Variants in LUZP2 observed in about 807,000 individuals in gnomAD.
LUZP2 encodes leucine zipper protein 2.
LUZP2 carries 52 observed loss-of-function variants against 51.6 expected under a neutral mutation model. The ratio of observed to expected loss-of-function variants is 1.01; its 90% CI spans 0.81 to 1.27. LUZP2 has a LOEUF of 1.27. LUZP2 is among the 50% of genes most tolerant of loss of function. The probability of loss-of-function intolerance (pLI) is 0.00; values close to 1 mark genes in which losing one functional copy is unlikely to be tolerated. For synonymous variants in LUZP2, 154 were observed against 137.3 expected, an observed-to-expected ratio of 1.12 and a Z score of -0.85; for missense variants, 436 against 395.4, an observed-to-expected ratio of 1.10 and a Z score of -0.87.
At chr11:24,707,276 ATCTCTC>A in intron 1 of LUZP2, among the ~76,000 whole-genome samples, 1 of 147,452 alleles carries the variant, frequency 6.8e-6, no homozygotes, top group South Asian at 2.2e-4. Flanking sequence ...CACTCTTTCT[ATCTCTC>A]TCTCTCTCTC....
At chr11:24,889,733 A>T (rs1159216950) in intron 5 of LUZP2, among the ~76,000 whole-genome samples, 3 of 152,152 alleles carry the variant, frequency 2.0e-5, no homozygotes, top group Admixed American at 6.5e-5. Flanking sequence ...AAAATACTGA[A>T]ATGTTCTGAT....
In LUZP2 at chr11:25,076,653, G is replaced by GGGAGGGAGGGAA. The variant is rs1179916466; in HGVS notation, c.859-664_859-653dup. On this transcript the variant is annotated intron_variant, in intron 10 of 11. Coordinates refer to ENST00000336930, the MANE Select transcript of LUZP2 (RefSeq NM_001009909.4). ...GAGGAAGGGAAAAAGAGGGAAGGAA[G>GGGAGGGAGGGAA]GGAGGGAGGGAAGGAGGGAGGGAGG... 3.6e-3 allele frequency among the ~76,000 whole-genome samples: 525 copies of GGGAGGGAGGGAA among 146,462 alleles called. 2 individuals are homozygous for GGGAGGGAGGGAA. Among genetic ancestry groups the GGGAGGGAGGGAA allele is most frequent in the African/African-American group, 0.011 (447 of 39,130 alleles).
chr11:24,853,543 GC>G (rs1851459893), intron 5 of LUZP2, among the ~76,000 whole-genome samples: 1 of 151,972 alleles, frequency 6.6e-6, no homozygotes, highest in Non-Finnish European at 1.5e-5. Flanking sequence ...AAGGTGCTTA[GC>G]TTCCTTGCAT....
chr11:24,540,511 C>G (rs1019431598), intron 1 of LUZP2, among the ~76,000 whole-genome samples: 7 of 152,058 alleles, frequency 4.6e-5, no homozygotes, highest in African/African-American at 1.7e-4. Flanking sequence ...CAGAAAGTGC[C>G]CTCTCACCTG....
chr11:24,664,807 A>T (rs145136089), intron 1 of LUZP2, among the ~76,000 whole-genome samples: 30 of 152,262 alleles, frequency 2.0e-4, no homozygotes, highest in African/African-American at 6.7e-4. Context: ...TAGATTTCAG[A>T]GGATGTATGG....
intron 9 of LUZP2, among the ~76,000 whole-genome samples, chr11:25,038,483 T>C (rs1438939354): frequency 2.0e-5 from 3 of 152,210 alleles, no homozygotes; most frequent in Non-Finnish European, 4.4e-5. Context: ...ACAATTTTCT[T>C]TCAGCTCAAG....
At chr11:24,621,473 TC>T (rs1854491769) in intron 1 of LUZP2, among the ~76,000 whole-genome samples, 1 of 152,170 alleles carries the variant, frequency 6.6e-6, no homozygotes, top group South Asian at 2.1e-4. Flanking sequence ...CTGACTTGGT[TC>T]TTTCCATTGA....
chr11:24,837,021 A>T lies in LUZP2; in HGVS notation c.397-68970A>T, dbSNP rs1190982175. 2.7e-5 allele frequency among the ~76,000 whole-genome samples: 4 copies of T among 150,772 alleles called. No homozygotes were observed. The Admixed American group carries it at 2.7e-4, about 10-fold the overall frequency. ...AGTCTTTCAGTAGGTAATAACAAAAACACAAGCTATTGACAACCTTGGAAC... is the reference window on the plus strand; with the variant it reads ...AGTCTTTCAGTAGGTAATAACAAAATCACAAGCTATTGACAACCTTGGAAC... On this transcript the variant is annotated intron_variant, in intron 5 of 11. Coordinates refer to ENST00000336930, the MANE Select transcript of LUZP2 (RefSeq NM_001009909.4).
Position 24,960,359 on chromosome 11 carries a change from G to A in LUZP2, c.523-16232G>A, listed in dbSNP as rs949787856. ...CCTCCTTGTACCTCTGGTAGAATTTGGCTGTGAATCCATCTGGTCCTGGAC... is the reference window on the plus strand; with the variant it reads ...CCTCCTTGTACCTCTGGTAGAATTTAGCTGTGAATCCATCTGGTCCTGGAC... On this transcript the variant is annotated intron_variant, in intron 7 of 11. Coordinates refer to ENST00000336930, the MANE Select transcript of LUZP2 (RefSeq NM_001009909.4). Among the ~76,000 whole-genome samples, 18 of 152,134 alleles carry A rather than the reference G, an allele frequency of 1.2e-4. No individual in the cohort carries two copies. The South Asian group carries it at 1.2e-3, about 10-fold the overall frequency.
At chr11:24,962,619 C>T (rs1855449365) in intron 7 of LUZP2, among the ~76,000 whole-genome samples, 2 of 152,206 alleles carry the variant, frequency 1.3e-5, no homozygotes, top group African/African-American at 4.8e-5. Flanking sequence ...GCTCCATCAG[C>T]TCCTTTAGGC....
Position 25,081,343 on chromosome 11 carries a change from T to A in LUZP2, c.*2685T>A, listed in dbSNP as rs1405799493. The A allele has an allele frequency of 6.6e-6, 1 of 151,940 alleles. No individual in the cohort carries two copies. Among genetic ancestry groups the A allele is most frequent in the Non-Finnish European group, 1.5e-5 (1 of 68,000 alleles). The allele number at this position is 151,940 out of a possible 1,614,324, so 9.4% of individuals were successfully genotyped here. On this transcript the variant is annotated 3_prime_UTR_variant, in exon 12 of 12. Transcript: ENST00000336930. ...TGAGCCACCGTGCCTGGCCAGTGTG[T>A]TTTTTTCCTTTAAATATATATGGCA... is the stretch of plus-strand genomic sequence containing the variant.
chr11:24,586,429 T>C (rs879509135), intron 1 of LUZP2, among the ~76,000 whole-genome samples: 2 of 152,076 alleles, frequency 1.3e-5, no homozygotes, highest in Non-Finnish European at 2.9e-5. Flanking sequence ...TTTAATTTTC[T>C]AAATAAATTC....
At chr11:24,793,125 A>G (rs756016281) in intron 5 of LUZP2, among the ~76,000 whole-genome samples, 2 of 152,074 alleles carry the variant, frequency 1.3e-5, no homozygotes, top group Admixed American at 1.3e-4. Context: ...TTAGTGTCCC[A>G]TATTCATCTA....
At chr11:25,036,459 T>A (rs560712122) in intron 9 of LUZP2, among the ~76,000 whole-genome samples, 1 of 152,214 alleles carries the variant, frequency 6.6e-6, no homozygotes, top group African/African-American at 2.4e-5. Flanking sequence ...TTGTTGCATT[T>A]GAATTTCATT....
chr11:24,737,948 C>A (rs1859003099), intron 3 of LUZP2, among the ~76,000 whole-genome samples: 1 of 151,968 alleles, frequency 6.6e-6, no homozygotes, highest in Non-Finnish European at 1.5e-5. Flanking sequence ...ACATCATGTG[C>A]CTCACAGATG....
chr11:24,614,843 T>G (rs1854236017), intron 1 of LUZP2, among the ~76,000 whole-genome samples: 1 of 151,972 alleles, frequency 6.6e-6, no homozygotes, highest in South Asian at 2.1e-4. Context: ...TTAATTTGAT[T>G]ACTTCTTTAT....
At chr11:24,834,903 G>A (rs1448661337) in intron 5 of LUZP2, among the ~76,000 whole-genome samples, 1 of 152,170 alleles carries the variant, frequency 6.6e-6, no homozygotes, top group Admixed American at 6.5e-5. Context: ...TTTGAGAAGT[G>A]TCTTTTCAGT....
At chr11:24,954,500 G>C (rs1158130018) in intron 7 of LUZP2, among the ~76,000 whole-genome samples, 1 of 151,948 alleles carries the variant, frequency 6.6e-6, no homozygotes, top group Non-Finnish European at 1.5e-5. Context: ...CTGGGAGTGT[G>C]GGTTGCCAAC....
At position 24,714,422 on chromosome 11, in the gene LUZP2, C is replaced by T. The variant is rs552040349; in HGVS notation, c.63-14747C>T. On this transcript the variant is annotated intron_variant, in intron 1 of 11. Coordinates refer to ENST00000336930, the MANE Select transcript of LUZP2 (RefSeq NM_001009909.4). ...CCACATAACAAAATACACCTCCAGA[C>T]ATCTGAATCAATTGATCTGCTTGGG... Among the ~76,000 whole-genome samples, 151 of 152,262 alleles carry T rather than the reference C, an allele frequency of 9.9e-4. 1 individual carries two copies. The highest frequency in any genetic ancestry group is 5.4e-4 in the Non-Finnish European group (37 of 68,016).
Sources: gnomAD v4.1 joint callset for allele counts (sites outside exome capture counted in the v4.1 genomes callset) on GRCh38, gnomAD v4.1.1 for gene constraint, MANE v1.5 for transcripts, NCBI Gene and HGNC (gene_info 2026-07-23, HGNC 2026-07-21) for gene names.